KCNH7: variants seen among roughly 807,000 people sequenced by gnomAD.
KCNH7 encodes the protein potassium voltage-gated channel subfamily H member 7.
Under a neutral mutation model 120.8 loss-of-function variants are expected in KCNH7, and 49 were observed. The ratio of observed to expected loss-of-function variants is 0.41; its 90% CI spans 0.32 to 0.51. The LOEUF (loss-of-function observed/expected upper bound fraction) is 0.51, where lower values mean the gene tolerates loss of function less well. Among genes scored for constraint, KCNH7 ranks in the 20% least tolerant of loss-of-function variants. The pLI is 0.38. For synonymous variants in KCNH7, 547 were observed against 516.1 expected (o/e 1.06, Z -0.81); for missense variants, 1,097 against 1,446.6 (o/e 0.76, Z 3.92).
intron 3 of KCNH7, among the ~76,000 whole-genome samples, chr2:162,521,374 T>C (rs1691516436): frequency 1.3e-5 from 2 of 151,908 alleles, no homozygotes; most frequent in African/African-American, 2.4e-5. Flanking sequence ...CCTGGAATTG[T>C]ACTGACTGAT....
chr2:162,790,889 A>AAC, intron 2 of KCNH7, among the ~76,000 whole-genome samples: 1 of 152,046 alleles, frequency 6.6e-6, no homozygotes, highest in Admixed American at 6.6e-5. Context: ...CAATGGCGAA[A>AAC]TGCTGAAAAC....
intron 2 of KCNH7, among the ~76,000 whole-genome samples, chr2:162,817,635 G>A (rs1470717256): frequency 2.6e-5 from 4 of 152,112 alleles, no homozygotes; most frequent in Admixed American, 2.6e-4. Flanking sequence ...TAATGAAACA[G>A]TATACAGTAT....
At chr2:162,637,334 C>G (rs1313081272) in intron 2 of KCNH7, among the ~76,000 whole-genome samples, 1 of 152,010 alleles carries the variant, frequency 6.6e-6, no homozygotes, top group East Asian at 1.9e-4. Context: ...TAGGTGTCTG[C>G]TTGGCAGACT....
intron 2 of KCNH7, among the ~76,000 whole-genome samples, chr2:162,573,063 A>G (rs1359028252): frequency 6.6e-6 from 1 of 152,112 alleles, no homozygotes; most frequent in Non-Finnish European, 1.5e-5. Context: ...CACACTTAAA[A>G]AAAAAGGTCA....
intron 13 of KCNH7, among the ~76,000 whole-genome samples, chr2:162,380,833 G>A (rs539494503): frequency 5.2e-4 from 79 of 152,206 alleles, no homozygotes; most frequent in Non-Finnish European, 9.0e-4. Flanking sequence ...CATAGACCCC[G>A]AACTTGAAGA....
chr2:162,689,016 A>AATGTTCCCCAATT (rs1397052245), intron 2 of KCNH7, among the ~76,000 whole-genome samples: 8 of 152,000 alleles, frequency 5.3e-5, no homozygotes, highest in Non-Finnish European at 7.4e-5. Flanking sequence ...GAAAGGCAAT[A>AATGTTCCCCAATT]ATGTTCCCCA....
At chr2:162,448,541 A>T (rs922694597) in intron 6 of KCNH7, among the ~76,000 whole-genome samples, 4 of 152,074 alleles carry the variant, frequency 2.6e-5, no homozygotes, top group Non-Finnish European at 4.4e-5. Context: ...GCGTGTAGTC[A>T]ATCAAAGAGG....
At chr2:162,743,351 T>TA (rs1395807295) in intron 2 of KCNH7, among the ~76,000 whole-genome samples, 3 of 151,196 alleles carry the variant, frequency 2.0e-5, no homozygotes, top group Non-Finnish European at 4.4e-5. Context: ...TAACAGTAAG[T>TA]AAAAAAAGGG....
intron 2 of KCNH7, among the ~76,000 whole-genome samples, chr2:162,784,042 A>G (rs1407244947): frequency 6.6e-6 from 1 of 152,140 alleles, no homozygotes; most frequent in Non-Finnish European, 1.5e-5. Context: ...AGGAATTCTC[A>G]TGACTTTCAT....
intron 2 of KCNH7, among the ~76,000 whole-genome samples, chr2:162,613,759 C>T (rs1683049409): frequency 6.6e-6 from 1 of 151,688 alleles, no homozygotes; most frequent in Non-Finnish European, 1.5e-5. Flanking sequence ...TAACTATTCA[C>T]TCGAAGGGCA....
intron 3 of KCNH7, among the ~76,000 whole-genome samples, chr2:162,519,789 C>T (rs1198083398): frequency 1.7e-4 from 26 of 151,722 alleles, no homozygotes; most frequent in Admixed American, 1.6e-3. Context: ...AATCTTTGGG[C>T]TGCAATATTA....
chr2:162,682,627 G>A (rs759924708), intron 2 of KCNH7, among the ~76,000 whole-genome samples: 30 of 151,840 alleles, frequency 2.0e-4, no homozygotes, highest in Admixed American at 7.2e-4. Context: ...CGTACCAAAT[G>A]TTATCCATGG....
chr2:162,372,205 G>A (rs1231526263), intron 15 of KCNH7, 110 bp from the exon 16 acceptor site: 4 of 889,418 alleles, frequency 4.5e-6, no homozygotes, highest in Non-Finnish European at 6.7e-6. Flanking sequence ...ATCTATATTT[G>A]ATTAGTGATA....
At chr2:162,683,817 A>G (rs1038441389) in intron 2 of KCNH7, among the ~76,000 whole-genome samples, 3 of 152,068 alleles carry the variant, frequency 2.0e-5, no homozygotes, top group Admixed American at 6.6e-5. Context: ...GCTACCATTG[A>G]CTTTCTTCAC....
intron 3 of KCNH7, among the ~76,000 whole-genome samples, chr2:162,533,982 G>C (rs1256470469): frequency 6.6e-6 from 1 of 151,374 alleles, no homozygotes; most frequent in Non-Finnish European, 1.5e-5. Flanking sequence ...TTTTATGACT[G>C]TAAGACAATA....
At chr2:162,681,297 A>C (rs1685701922) in intron 2 of KCNH7, among the ~76,000 whole-genome samples, 1 of 151,786 alleles carries the variant, frequency 6.6e-6, no homozygotes, top group African/African-American at 2.4e-5. Context: ...TAGTATAAAT[A>C]TACCACACAC....
At chr2:162,508,834 A>G (rs1242512485) in intron 5 of KCNH7, among the ~76,000 whole-genome samples, 2 of 151,506 alleles carry the variant, frequency 1.3e-5, no homozygotes, top group Non-Finnish European at 3.0e-5. Context: ...TTCTAATGAA[A>G]GAAAGGAGAA....
At chr2:162,688,877 G>A (rs1685997236) in intron 2 of KCNH7, among the ~76,000 whole-genome samples, 1 of 151,788 alleles carries the variant, frequency 6.6e-6, no homozygotes, top group South Asian at 2.1e-4. Context: ...GCCAATATAT[G>A]GAGGCAGAAT....
chr2:162,481,992 C>CTATCT (rs201292200), intron 6 of KCNH7, among the ~76,000 whole-genome samples: 244 of 141,666 alleles, frequency 1.7e-3, no homozygotes, highest in African/African-American at 5.8e-3. Flanking sequence ...ATCTATCTAT[C>CTATCT]ATCAATCTAT....
Sources: allele counts gnomAD v4.1 joint callset (sites outside exome capture counted in the v4.1 genomes callset), GRCh38; gene constraint gnomAD v4.1.1; transcripts MANE v1.5; gene names NCBI Gene and HGNC (gene_info 2026-07-23, HGNC 2026-07-21).